SLC24A3: variants seen among roughly 807,000 people sequenced by gnomAD.
The protein encoded by SLC24A3 is solute carrier family 24 member 3.
SLC24A3 carries 28 observed loss-of-function variants against 75.8 expected under a neutral mutation model. The observed-to-expected ratio is 0.37, with a 90% CI of 0.27 to 0.51. The LOEUF is 0.51. Among genes scored for constraint, SLC24A3 ranks in the 20% least tolerant of loss-of-function variants. The pLI is 0.94. For synonymous variants in SLC24A3, 372 were observed against 334.1 expected, an observed-to-expected ratio of 1.11 and a Z score of -1.24; for missense variants, 663 against 847.8, an observed-to-expected ratio of 0.78 and a Z score of 2.71.
intron 6 of SLC24A3, among the ~76,000 whole-genome samples, chr20:19,646,177 G>C (rs985753716): frequency 4.6e-5 from 7 of 152,138 alleles, no homozygotes; most frequent in African/African-American, 1.7e-4. Context: ...TTCCAATCTT[G>C]TGCTTATCCA....
chr20:19,444,354 A>T (rs1363944281), intron 2 of SLC24A3, among the ~76,000 whole-genome samples: 1 of 152,200 alleles, frequency 6.6e-6, no homozygotes, highest in Non-Finnish European at 1.5e-5. Flanking sequence ...AGAATGGGTT[A>T]GGAAGTATTC....
intron 2 of SLC24A3, among the ~76,000 whole-genome samples, chr20:19,363,863 G>C (rs1985837520): frequency 6.6e-6 from 1 of 152,124 alleles, no homozygotes. Flanking sequence ...AACTTGAGAG[G>C]GGCCATTGGG....
Position 19,687,991 on chromosome 20 carries a change from G to A in SLC24A3, c.1324+2630G>A, listed in dbSNP as rs78687498. ...TCAGGAACCCCACATCCCCTCCTGT[G>A]TCCTTCCTGAAGCACAGACAGGAGA... On this transcript the variant is annotated intron_variant, in intron 12 of 16. Transcript: ENST00000328041. Among the ~76,000 whole-genome samples, 890 of 152,226 alleles carry A rather than the reference G, an allele frequency of 5.8e-3. 4 individuals are homozygous for A. The highest frequency in any genetic ancestry group is 0.02 in the African/African-American group (832 of 41,530).
chr20:19,358,690 T>G (rs558778149), intron 2 of SLC24A3, among the ~76,000 whole-genome samples: 1 of 152,368 alleles, frequency 6.6e-6, no homozygotes, highest in East Asian at 1.9e-4. Context: ...TAGTAGTATT[T>G]AGTACATTCA....
chr20:19,285,552 A>AT (rs11087278), intron 2 of SLC24A3, among the ~76,000 whole-genome samples: 40,470 of 129,936 alleles, frequency 0.31, 6,594 homozygotes, highest in Middle Eastern at 0.48. Context: ...GAAATTTGTG[A>AT]TTTTTTTTTT....
At chr20:19,496,581 G>A (rs1471950486) in intron 2 of SLC24A3, among the ~76,000 whole-genome samples, 5 of 152,164 alleles carry the variant, frequency 3.3e-5, no homozygotes, top group Non-Finnish European at 7.3e-5. Context: ...TCCTGAGTTA[G>A]CCTGGGTTGC....
intron 7 of SLC24A3, among the ~76,000 whole-genome samples, chr20:19,654,359 G>T (rs1243117578): frequency 6.6e-6 from 1 of 152,044 alleles, no homozygotes; most frequent in Non-Finnish European, 1.5e-5. Flanking sequence ...GGTTATCTGG[G>T]TCTATGAGAG....
chr20:19,368,384 G>A (rs1168312575), intron 2 of SLC24A3, among the ~76,000 whole-genome samples: 1 of 152,200 alleles, frequency 6.6e-6, no homozygotes, highest in Non-Finnish European at 1.5e-5. Context: ...CTACTGGCCT[G>A]GTCAGTTCCA....
chr20:19,246,817 G>C (rs1568567713), intron 1 of SLC24A3, among the ~76,000 whole-genome samples: 1 of 151,950 alleles, frequency 6.6e-6, no homozygotes, highest in Non-Finnish European at 1.5e-5. Context: ...CTCCATCTCT[G>C]TCTGTCTCTA....
At chr20:19,335,543 T>G (rs1985111685) in intron 2 of SLC24A3, among the ~76,000 whole-genome samples, 1 of 152,200 alleles carries the variant, frequency 6.6e-6, no homozygotes, top group African/African-American at 2.4e-5. Context: ...AGATAAAGGC[T>G]GCTCAGGTAA....
intron 2 of SLC24A3, among the ~76,000 whole-genome samples, chr20:19,428,093 T>C (rs1432090316): frequency 6.6e-6 from 1 of 152,244 alleles, no homozygotes; most frequent in African/African-American, 2.4e-5. Context: ...TTTGAAAATA[T>C]GTTCTTGCCA....
intron 2 of SLC24A3, among the ~76,000 whole-genome samples, chr20:19,457,612 G>A (rs1432427074): frequency 6.6e-6 from 1 of 152,186 alleles, no homozygotes; most frequent in Non-Finnish European, 1.5e-5. Context: ...GCTTTCTAAT[G>A]TTCTGCCTTA....
intron 2 of SLC24A3, among the ~76,000 whole-genome samples, chr20:19,417,520 A>G (rs6035328): frequency 0.52 from 79,599 of 152,064 alleles, 21,315 homozygotes; most frequent in East Asian, 0.9. Context: ...GATGGGAAAG[A>G]TGAGACACCA....
chr20:19,452,451 G>A (rs894758070), intron 2 of SLC24A3, among the ~76,000 whole-genome samples: 2 of 150,538 alleles, frequency 1.3e-5, no homozygotes, highest in Middle Eastern at 3.4e-3. Flanking sequence ...GTGGGGAGGA[G>A]AGTCCTTAGA....
At chr20:19,430,537 C>T (rs1245104537) in intron 2 of SLC24A3, among the ~76,000 whole-genome samples, 2 of 152,148 alleles carry the variant, frequency 1.3e-5, no homozygotes, top group Non-Finnish European at 2.9e-5. Flanking sequence ...AAAAACAGAA[C>T]GTGGACTATA....
At chr20:19,279,538 C>T (rs530327688) in intron 1 of SLC24A3, among the ~76,000 whole-genome samples, 80 of 152,334 alleles carry the variant, frequency 5.3e-4, no homozygotes, top group African/African-American at 5.8e-4. Context: ...TTACCTTCCA[C>T]GACACCTGCT....
intron 3 of SLC24A3, among the ~76,000 whole-genome samples, chr20:19,530,284 C>T (rs753800702): frequency 5.3e-5 from 8 of 152,114 alleles, no homozygotes; most frequent in Non-Finnish European, 1.0e-4. Flanking sequence ...ATAGATAAAC[C>T]GTACTCACTG....
At chr20:19,493,132 T>C (rs1988231919) in intron 2 of SLC24A3, among the ~76,000 whole-genome samples, 1 of 152,214 alleles carries the variant, frequency 6.6e-6, no homozygotes, top group Non-Finnish European at 1.5e-5. Context: ...CAGGAATCAG[T>C]GCAAGCCGAC....
At chr20:19,628,554 C>T (rs1052978971) in intron 6 of SLC24A3, among the ~76,000 whole-genome samples, 2 of 152,172 alleles carry the variant, frequency 1.3e-5, no homozygotes, top group African/African-American at 2.4e-5. Flanking sequence ...AAGAAAAAGG[C>T]AGAACATGCA....
Sources: gnomAD v4.1 joint callset for allele counts (sites outside exome capture counted in the v4.1 genomes callset) on GRCh38, gnomAD v4.1.1 for gene constraint, MANE v1.5 for transcripts, NCBI Gene and HGNC (gene_info 2026-07-23, HGNC 2026-07-21) for gene names.